SGK3: variants seen among roughly 807,000 people sequenced by gnomAD.
SGK3 encodes serum/glucocorticoid regulated kinase family member 3.
SGK3 carries 47 observed loss-of-function variants against 68.5 expected under a neutral mutation model. The ratio of observed to expected loss-of-function variants is 0.69; its 90% CI spans 0.54 to 0.87. The LOEUF is 0.87. Ranked by LOEUF, SGK3 falls within the 40% of genes least tolerant of loss-of-function variation. SGK3 has a pLI of 0.00. For missense variants in SGK3, 479 were observed against 575.5 expected, an observed-to-expected ratio of 0.83 and a Z score of 1.72; for synonymous variants, 181 against 189.1, an observed-to-expected ratio of 0.96 and a Z score of 0.35.
chr8:66,822,773 C>A (rs1808897371), intron 6 of SGK3, among the ~76,000 whole-genome samples: 1 of 152,096 alleles, frequency 6.6e-6, no homozygotes. Context: ...CGCCTGCCAC[C>A]ATGCCTGGCT....
chr8:66,842,940 G>A (rs1809855686), intron 13 of SGK3, among the ~76,000 whole-genome samples: 1 of 152,112 alleles, frequency 6.6e-6, no homozygotes, highest in South Asian at 2.1e-4. Context: ...GTGTGGTGGC[G>A]CATGCCTCTA....
intron 14 of SGK3, among the ~76,000 whole-genome samples, 171 bp downstream of exon 14, chr8:66,843,718 G>T (rs940272993): frequency 6.6e-6 from 1 of 152,174 alleles, no homozygotes; most frequent in African/African-American, 2.4e-5. Flanking sequence ...AAGAGGCTGG[G>T]CATGGTGGCT....
chr8:66,783,256 T>C (rs994161426), intron 1 of SGK3, among the ~76,000 whole-genome samples: 2 of 152,254 alleles, frequency 1.3e-5, no homozygotes, highest in African/African-American at 2.4e-5. Flanking sequence ...GCCATCTGTA[T>C]GTCTTCTTTG....
At chr8:66,723,110 TATATATATATATA>T (rs1473200553) in intron 1 of SGK3, among the ~76,000 whole-genome samples, 2 of 47,758 alleles carry the variant, frequency 4.2e-5, no homozygotes, top group East Asian at 6.1e-4. Context: ...TATATATATA[TATATATATATATA>T]TATATATATT....
At chr8:66,803,744 C>G (rs994644715) in intron 3 of SGK3, among the ~76,000 whole-genome samples, 1 of 151,508 alleles carries the variant, frequency 6.6e-6, no homozygotes, top group Non-Finnish European at 1.5e-5. Flanking sequence ...GCAGCCCCAA[C>G]CTTCCAGGCT....
intron 12 of SGK3, 72 bp from the exon 13 acceptor site, chr8:66,840,952 A>G (rs1809776800): frequency 1.6e-6 from 2 of 1,274,274 alleles, no homozygotes; most frequent in Non-Finnish European, 1.1e-6. Context: ...AAAAAAAAAA[A>G]AAAAAATTAA....
intron 8 of SGK3, among the ~76,000 whole-genome samples, chr8:66,833,496 A>C (rs1809385729): frequency 6.6e-6 from 1 of 152,190 alleles, no homozygotes; most frequent in South Asian, 2.1e-4. Flanking sequence ...TATCAATATA[A>C]ATAAATTTCA....
intron 1 of SGK3, among the ~76,000 whole-genome samples, chr8:66,765,534 T>A (rs561613121): frequency 5.9e-5 from 9 of 152,106 alleles, no homozygotes; most frequent in Non-Finnish European, 1.2e-4. Context: ...TGTTGGTGAG[T>A]TGAAAGTTGA....
rs775084397 is a variant in SGK3 at position 66,828,699 on chromosome 8, C to T, written c.463C>T (p.Pro155Ser). 7 of 1,613,904 alleles carry T rather than the reference C, an allele frequency of 4.3e-6. No individual in the cohort carries two copies. The Admixed American group carries it at 5.0e-5, about 12-fold the overall frequency. Residue 155 changes from proline to serine, a missense_variant, in exon 7 of 17, where the codon CCT becomes TCT. Pro to Ser is a moderately conservative substitution (Grantham distance 74, BLOSUM62 -1). Transcript: ENST00000521198. ...CATCAACCTGGGACCGTCTGGAAATCCTCAGTATGTTTAATTTGCTTCAAA... is the reference window on the plus strand; with the variant it reads ...CATCAACCTGGGACCGTCTGGAAATTCTCAGTATGTTTAATTTGCTTCAAA... ...QNINLGPSGNPHAKPTDFDFL... is the reference protein window; with the variant it reads ...QNINLGPSGNSHAKPTDFDFL...
intron 2 of SGK3, among the ~76,000 whole-genome samples, chr8:66,797,758 T>C (rs1488876741): frequency 1.3e-5 from 2 of 152,168 alleles, no homozygotes; most frequent in Non-Finnish European, 2.9e-5. Context: ...CTTTGTAAGT[T>C]CCAGGTAGTA....
Position 66,836,475 on chromosome 8 carries a change from T to TAAGG in SGK3, c.741+402_741+405dup, listed in dbSNP as rs1166260756. Among the ~76,000 whole-genome samples, 3 of 152,124 alleles carry TAAGG rather than the reference T, an allele frequency of 2.0e-5. No homozygotes were observed. In the East Asian group the frequency reaches 5.8e-4, roughly 29 times the overall value. On this transcript the variant is annotated intron_variant, in intron 10 of 16. Coordinates refer to ENST00000521198, the MANE Select transcript of SGK3 (RefSeq NM_001033578.3). ...TTAATCAGATGAGATAATCCTCTAATAAGGGGCTCTGTGGTGGTAGCTTGG... is the reference window on the plus strand; with the variant it reads ...TTAATCAGATGAGATAATCCTCTAATAAGGAAGGGGCTCTGTGGTGGTAGCTTGG...
Position 66,810,059 on chromosome 8 carries a change from A to G in SGK3, c.254-3794A>G, listed in dbSNP as rs1019695742. On this transcript the variant is annotated intron_variant, in intron 4 of 16. Coordinates refer to ENST00000521198, the MANE Select transcript of SGK3 (RefSeq NM_001033578.3). ...ATATTCCGCTCATTAGAAGGTAGTCATTAAGTCCAACCCCCGTTCAAGAGA... is the reference window on the plus strand; with the variant it reads ...ATATTCCGCTCATTAGAAGGTAGTCGTTAAGTCCAACCCCCGTTCAAGAGA... Among the ~76,000 whole-genome samples the G allele has an allele frequency of 3.9e-5, 6 of 152,206 alleles. No individual in the cohort carries two copies. The East Asian group carries it at 5.8e-4, about 15-fold the overall frequency.
chr8:66,788,550 A>G (rs866019685), intron 1 of SGK3, among the ~76,000 whole-genome samples: 18 of 152,216 alleles, frequency 1.2e-4, no homozygotes, highest in African/African-American at 3.6e-4. Flanking sequence ...GGGTTAGGGC[A>G]GCTTTCATTG....
chr8:66,731,502 C>T (rs2130368375), intron 1 of SGK3, among the ~76,000 whole-genome samples: 1 of 152,068 alleles, frequency 6.6e-6, no homozygotes, highest in East Asian at 1.9e-4. Context: ...CTTTCTTTAC[C>T]TTTGGATATT....
intron 1 of SGK3, chr8:66,767,322 A>G (rs996096183): frequency 4.8e-5 from 42 of 876,434 alleles, no homozygotes; most frequent in Non-Finnish European, 6.6e-5. Context: ...GGATTTAAGT[A>G]TATATCTTTT....
intron 1 of SGK3, among the ~76,000 whole-genome samples, chr8:66,765,752 G>A (rs1342421981): frequency 6.6e-6 from 1 of 152,048 alleles, no homozygotes; most frequent in Admixed American, 6.6e-5. Flanking sequence ...GGCCAGGCAT[G>A]GTGGCTCACG....
chr8:66,755,228 C>T (rs1805939513), intron 1 of SGK3, among the ~76,000 whole-genome samples: 2 of 146,632 alleles, frequency 1.4e-5, no homozygotes, highest in African/African-American at 5.2e-5. Context: ...CACTGCACTC[C>T]AGTCCGGGGG....
intron 1 of SGK3, among the ~76,000 whole-genome samples, chr8:66,773,979 G>GT (rs1210184213): frequency 9.9e-5 from 15 of 152,196 alleles, no homozygotes; most frequent in Non-Finnish European, 2.1e-4. Context: ...GGTTGAATGA[G>GT]TGATGCCGGA....
intron 1 of SGK3, among the ~76,000 whole-genome samples, chr8:66,776,108 G>A (rs1288524099): frequency 6.6e-6 from 1 of 152,186 alleles, no homozygotes; most frequent in Non-Finnish European, 1.5e-5. Flanking sequence ...TCTTTCCTCA[G>A]AGCTGTTGCT....
Sources: allele counts gnomAD v4.1 joint callset (sites outside exome capture counted in the v4.1 genomes callset), GRCh38; gene constraint gnomAD v4.1.1; transcripts MANE v1.5; gene names NCBI Gene and HGNC (gene_info 2026-07-23, HGNC 2026-07-21).